The following LEMD1 variants were observed in gnomAD, a reference collection of about 807,000 sequenced individuals.
LEMD1 encodes LEM domain containing 1.
Under a neutral mutation model 17.4 loss-of-function variants are expected in LEMD1, and 18 were observed. That is an observed-to-expected ratio of 1.04 (90% CI 0.72 to 1.54). LEMD1 has a LOEUF of 1.54. Among genes scored for constraint, LEMD1 ranks in the 40% most tolerant of loss-of-function variants. The pLI is 0.00. For missense variants in LEMD1, 195 were observed against 210.4 expected, an observed-to-expected ratio of 0.93 and a Z score of 0.45; for synonymous variants, 88 against 77.8, an observed-to-expected ratio of 1.13 and a Z score of -0.69.
chr1:205,444,723 G>A (rs1294699606), intron 1 of LEMD1, among the ~76,000 whole-genome samples: 2 of 152,114 alleles, frequency 1.3e-5, no homozygotes, highest in Non-Finnish European at 2.9e-5. Context: ...CAGAGTGGGC[G>A]GCAGCGGGGG....
chr1:205,386,219 C>T (rs1417460264), intron 4 of LEMD1: 1 of 152,380 alleles, frequency 6.6e-6, no homozygotes, highest in Non-Finnish European at 1.5e-5. Context: ...TAGCATCACG[C>T]ACTGCTAGTC....
chr1:205,411,092 G>A (rs12752185), intron 4 of LEMD1, among the ~76,000 whole-genome samples: 13 of 14,786 alleles, frequency 8.8e-4, no homozygotes, highest in South Asian at 4.7e-3. Context: ...GGAAAAAGAA[G>A]AAAGAAAAAA....
chr1:205,406,823 A>G (rs1259812309), intron 4 of LEMD1, among the ~76,000 whole-genome samples: 3 of 152,242 alleles, frequency 2.0e-5, no homozygotes, highest in Non-Finnish European at 2.9e-5. Flanking sequence ...AGCTGTAGAC[A>G]GGAGCTGTTC....
intron 4 of LEMD1, among the ~76,000 whole-genome samples, chr1:205,407,519 A>G (rs1665176159): frequency 6.6e-6 from 1 of 152,086 alleles, no homozygotes; most frequent in Non-Finnish European, 1.5e-5. Context: ...TGAACGCATT[A>G]AGGTACTTAG....
At chr1:205,387,527 AT>A (rs1388301984) in intron 4 of LEMD1, 1 of 152,232 alleles carries the variant, frequency 6.6e-6, no homozygotes, top group African/African-American at 2.4e-5. Context: ...TATAAACAAC[AT>A]TTACAGTGGA....
At chr1:205,425,602 G>A (rs184690620), upstream of LEMD1, among the ~76,000 whole-genome samples, 52 of 152,314 alleles carry the variant, frequency 3.4e-4, no homozygotes, top group Non-Finnish European at 6.6e-4. Context: ...ATGAGGAAAC[G>A]AGTGAGCCCA....
rs1666434869 is a variant in LEMD1 at position 205,448,155 on chromosome 1, G to A, written c.-39+1713C>T. The A allele has an allele frequency of 1.1e-5, 4 of 363,550 alleles. No homozygotes were observed. Among genetic ancestry groups the A allele is most frequent in the South Asian group, 7.0e-5 (3 of 42,566 alleles). 22.5% of individuals were successfully genotyped at this position (363,550 alleles called of 1,614,324 possible). A position where few individuals can be genotyped will look rare whatever the true frequency, so the allele number is the denominator to read the frequency against. ...GTGAGGAAACAGGGCCAGAAGGGAAGTGACTGGGCCAAGGTCACACGGCTT... is the reference window on the plus strand; with the variant it reads ...GTGAGGAAACAGGGCCAGAAGGGAAATGACTGGGCCAAGGTCACACGGCTT... On this transcript the variant is annotated intron_variant, in intron 1 of 3. Transcript: ENST00000367154. This position sits in a 1 kb window ranked among gnomAD's most constrained non-coding sequence, Gnocchi z 4.7.
intron 1 of LEMD1, among the ~76,000 whole-genome samples, chr1:205,428,924 C>A (rs1391284132): frequency 6.6e-6 from 1 of 152,090 alleles, no homozygotes; most frequent in Non-Finnish European, 1.5e-5. Context: ...ATCTCAGTAA[C>A]CAGAGGTGCC....
chr1:205,425,497 C>T (rs1043847793), upstream of LEMD1, among the ~76,000 whole-genome samples: 2 of 152,028 alleles, frequency 1.3e-5, no homozygotes, highest in African/African-American at 4.8e-5. Flanking sequence ...AGGTCTAGCT[C>T]GTTGAGAGGT....
intron 4 of LEMD1, among the ~76,000 whole-genome samples, chr1:205,406,610 A>T (rs1303069564): frequency 6.6e-6 from 1 of 151,908 alleles, no homozygotes; most frequent in Non-Finnish European, 1.5e-5. Context: ...GCCATCTGTC[A>T]CCCCTTTCCT....
chr1:205,420,436 T>G lies in LEMD1; in HGVS notation c.82+19A>C, dbSNP rs771035961. On this transcript the variant is annotated intron_variant, in intron 2 of 5. Transcript: ENST00000367153. ...CCATAAATGACAAGTCTGTAATATT[T>G]GCTGCATACTGTACATACGTAGTAT... 2.1e-4 allele frequency: 331 copies of G among 1,588,098 alleles called. 2 individuals are homozygous for G. Among genetic ancestry groups the G allele is most frequent in the Middle Eastern group, 1.7e-4 (1 of 6,032 alleles).
chr1:205,387,495 G>C (rs113284552), intron 4 of LEMD1: 2 of 152,096 alleles, frequency 1.3e-5, no homozygotes, highest in African/African-American at 4.8e-5. Context: ...TTCCATTAAT[G>C]CTGTTATAAT....
chr1:205,407,713 C>T (rs75117692), intron 4 of LEMD1, among the ~76,000 whole-genome samples: 4,180 of 152,158 alleles, frequency 0.027, 88 homozygotes, highest in Non-Finnish European at 0.042. Context: ...TGTGGGAACC[C>T]TTGATTTTTA....
intron 4 of LEMD1, among the ~76,000 whole-genome samples, chr1:205,406,202 C>A (rs1198994644): frequency 3.9e-5 from 6 of 152,342 alleles, no homozygotes; most frequent in African/African-American, 1.2e-4. Flanking sequence ...AGATCTCCAG[C>A]TGCGTACTGG....
intron 1 of LEMD1, among the ~76,000 whole-genome samples, chr1:205,447,957 A>G (rs1171624916): frequency 6.6e-6 from 1 of 152,234 alleles, no homozygotes; most frequent in Non-Finnish European, 1.5e-5. Context: ...CCAAGTCTTC[A>G]TGGCCTGAGG....
chr1:205,437,827 G>C (rs1666233321), intron 1 of LEMD1: 1 of 152,208 alleles, frequency 6.6e-6, no homozygotes. Context: ...TAGTTTCCAA[G>C]CAGGGCTAGA....
intron 1 of LEMD1, among the ~76,000 whole-genome samples, chr1:205,444,827 C>T (rs1253876019): frequency 6.6e-6 from 1 of 151,996 alleles, no homozygotes; most frequent in Non-Finnish European, 1.5e-5. Flanking sequence ...CGACCCATCC[C>T]TTCATCTCCC....
intron 4 of LEMD1, among the ~76,000 whole-genome samples, chr1:205,401,880 T>C (rs1574965434): frequency 6.6e-6 from 1 of 152,336 alleles, no homozygotes; most frequent in South Asian, 2.1e-4. Flanking sequence ...AATTTTTGTA[T>C]AATGTGTAAG....
chr1:205,411,586 A>AAAGG (rs1318697733), intron 4 of LEMD1, among the ~76,000 whole-genome samples: 1 of 148,566 alleles, frequency 6.7e-6, no homozygotes, highest in Admixed American at 6.7e-5. Flanking sequence ...AGGAGAGAGG[A>AAAGG]AAGGAAGGAA....
Sources: allele counts gnomAD v4.1 joint callset (sites outside exome capture counted in the v4.1 genomes callset), GRCh38; gene constraint gnomAD v4.1.1; non-coding constraint Gnocchi (gnomAD v3.1); transcripts MANE v1.5; gene names NCBI Gene and HGNC (gene_info 2026-07-23, HGNC 2026-07-21).